PYROXD1: variants seen among roughly 807,000 people sequenced by gnomAD.
The protein encoded by PYROXD1 is pyridine nucleotide-disulphide oxidoreductase domain 1.
In PYROXD1, 42 loss-of-function variants were observed where a neutral mutation model predicts 62.0. That is an observed-to-expected ratio of 0.68 (90% CI 0.53 to 0.88). The LOEUF (loss-of-function observed/expected upper bound fraction) is 0.88. PYROXD1 is among the 40% of genes least tolerant of loss of function. The probability of loss-of-function intolerance (pLI) is 0.00; values close to 1 mark genes in which losing one functional copy is unlikely to be tolerated. For synonymous variants in PYROXD1, 170 were observed against 206.4 expected (o/e 0.82, Z 1.51); for missense variants, 493 against 604.8 (o/e 0.82, Z 1.94).
At chr12:21,464,382 C>T (rs1431613956) in intron 10 of PYROXD1, among the ~76,000 whole-genome samples, 4 of 151,884 alleles carry the variant, frequency 2.6e-5, no homozygotes, top group African/African-American at 9.7e-5. Flanking sequence ...TTCTGACCCC[C>T]AGCCATAAAC....
chr12:21,439,104 C>T (rs1021176299), intron 1 of PYROXD1, among the ~76,000 whole-genome samples: 3 of 152,080 alleles, frequency 2.0e-5, no homozygotes, highest in Non-Finnish European at 4.4e-5. Context: ...ATGTCATCTC[C>T]AGTGGAAAAG....
At chr12:21,438,566 A>G (rs531365909) in intron 1 of PYROXD1, 116 of 152,340 alleles carry the variant, frequency 7.6e-4, no homozygotes, top group African/African-American at 2.6e-3. Context: ...CGAACTCCCA[A>G]GATAGAAGAA....
chr12:21,445,292 T>C (rs1462169125), intron 2 of PYROXD1, 55 bp from the exon 3 acceptor site: 2 of 1,449,410 alleles, frequency 1.4e-6, no homozygotes, highest in Non-Finnish European at 1.8e-6. Flanking sequence ...TATTTAAGAT[T>C]CTTGAAAGAA....
At position 21,461,129 on chromosome 12, in the gene PYROXD1, C is replaced by T; in HGVS notation, c.855C>T (p.Asp285=). 6.3e-7 allele frequency: 1 copy of T among 1,577,676 alleles called. No individual in the cohort carries two copies. Among genetic ancestry groups the T allele is most frequent in the Non-Finnish European group, 8.6e-7 (1 of 1,163,280 alleles). The change falls in exon 8 of 12, where the codon GAC becomes GAT. Residue 285 remains aspartate, a synonymous_variant. Coordinates refer to ENST00000240651, the MANE Select transcript of PYROXD1 (RefSeq NM_024854.5). ...AAAAGTCCTTCACTTTTCCAAGAGA[C>T]CATAAGTCAGTTACAGCTGATACAG... The part of the protein sequence containing the change: ...LKKKSFTFPR[D]HKSVTADTEM...
In PYROXD1 at chr12:21,442,307, G is replaced by A. The variant is rs199666931; in HGVS notation, c.165+1859G>A. 8.5e-5 allele frequency among the ~76,000 whole-genome samples: 13 copies of A among 152,292 alleles called. No individual in the cohort carries two copies. The East Asian group carries it at 1.9e-3, about 23-fold the overall frequency. ...ATTGGTGCCTAGGGTGCAGGTACCC[G>A]TACTGCTATATTGGTAATAGAATAT... is the stretch of plus-strand genomic sequence containing the variant. On this transcript the variant is annotated intron_variant, in intron 2 of 11. Transcript: ENST00000240651.
chr12:21,470,998 CT>C lies in PYROXD1; in HGVS notation c.*2246del. 1 of 1,566,618 alleles carries C rather than the reference CT, an allele frequency of 6.4e-7. No individual in the cohort carries two copies. The highest frequency in any genetic ancestry group is 8.6e-7 in the Non-Finnish European group (1 of 1,162,184). ...AAAGAGTTCTGCGTGGACTTTGTCA[CT>C]TGCATAGTAATAGCATGTGCCTCAT... On this transcript the variant is annotated 3_prime_UTR_variant, in exon 12 of 12. Coordinates refer to ENST00000240651, the MANE Select transcript of PYROXD1 (RefSeq NM_024854.5).
At chr12:21,458,236 T>G (rs1359479416) in intron 7 of PYROXD1, among the ~76,000 whole-genome samples, 1 of 152,226 alleles carries the variant, frequency 6.6e-6, no homozygotes, top group Non-Finnish European at 1.5e-5. Flanking sequence ...TTAAACATCA[T>G]GAACCAACCT....
chr12:21,467,716 T>TTTAA (rs1942827966), intron 11 of PYROXD1, 98 bp downstream of exon 11: 1 of 907,444 alleles, frequency 1.1e-6, no homozygotes, highest in African/African-American at 1.7e-5. Context: ...CGTACATAGT[T>TTTAA]TTAATCATCT....
Position 21,462,264 on chromosome 12 carries a change from T to C in PYROXD1, c.993+144T>C. ...GAAACAGTTTGGTTAAAACATTGTC[T>C]TGATTTACAGTATTTTTTACTGCTT... On this transcript the variant is annotated intron_variant, in intron 9 of 11. Coordinates refer to ENST00000240651, the MANE Select transcript of PYROXD1 (RefSeq NM_024854.5). 4 of 595,398 alleles carry C rather than the reference T, an allele frequency of 6.7e-6. No homozygotes were observed. In the South Asian group the frequency reaches 8.9e-5, roughly 13 times the overall value. 36.9% of individuals were successfully genotyped at this position (595,398 alleles called of 1,614,324 possible). A position where few individuals can be genotyped will look rare whatever the true frequency, so the allele number is the denominator to read the frequency against.
chr12:21,444,423 A>T (rs1343332463), intron 2 of PYROXD1, among the ~76,000 whole-genome samples: 1 of 152,226 alleles, frequency 6.6e-6, no homozygotes. Flanking sequence ...TAAGGATGAG[A>T]TATGAAGAGT....
In PYROXD1 at chr12:21,468,567, G is replaced by A; in HGVS notation, c.1316G>A (p.Arg439Lys). The A allele has an allele frequency of 6.2e-7, 1 of 1,613,004 alleles. No individual in the cohort carries two copies. Among genetic ancestry groups the A allele is most frequent in the Non-Finnish European group, 8.5e-7 (1 of 1,179,294 alleles). ...GLGSDHELML[R>K]CTKGREYIKV... Reference sequence around the variant, plus strand: ...GGTTCAGATCATGAATTAATGCTGAGATGTACCAAAGGACGAGAATACATC... The same window carrying A: ...GGTTCAGATCATGAATTAATGCTGAAATGTACCAAAGGACGAGAATACATC... The change falls in exon 12 of 12, where the codon AGA becomes AAA. Residue 439 changes from arginine (R) to lysine (K), a missense_variant. By Grantham distance (26) the Arg-to-Lys change is conservative. This residue lies in a region of PYROXD1 where 329 missense variants were observed against 446.6 expected (regional missense o/e 0.74). Coordinates refer to ENST00000240651, the MANE Select transcript of PYROXD1 (RefSeq NM_024854.5).
intron 2 of PYROXD1, among the ~76,000 whole-genome samples, chr12:21,441,845 G>C (rs1390861121): frequency 6.6e-6 from 1 of 152,206 alleles, no homozygotes; most frequent in Admixed American, 6.5e-5. Context: ...TGACACACTT[G>C]CTGTTTTCAG....
chr12:21,444,143 G>A (rs1159584743), intron 2 of PYROXD1, among the ~76,000 whole-genome samples: 1 of 152,146 alleles, frequency 6.6e-6, no homozygotes, highest in Non-Finnish European at 1.5e-5. Flanking sequence ...TACTGGTCGG[G>A]TAGCCTTGGA....
chr12:21,450,867 T>C (rs7134243), intron 4 of PYROXD1, among the ~76,000 whole-genome samples: 75,029 of 151,892 alleles, frequency 0.49, 18,569 homozygotes, highest in Middle Eastern at 0.59. Context: ...TAATCCTGTG[T>C]GACGATTATT....
intron 3 of PYROXD1, among the ~76,000 whole-genome samples, chr12:21,446,563 C>G (rs1942393064): frequency 6.7e-6 from 1 of 149,712 alleles, no homozygotes; most frequent in Non-Finnish European, 1.5e-5. Flanking sequence ...TGAGCATGAA[C>G]AAGTGGCTAG....
intron 2 of PYROXD1, 79 bp downstream of exon 2, chr12:21,440,527 AT>A (rs57817097): frequency 5.1e-6 from 4 of 783,304 alleles, no homozygotes; most frequent in Non-Finnish European, 8.4e-6. Context: ...GTAATTGTGT[AT>A]TTTTTTCTTT....
chr12:21,451,959 CA>C, intron 4 of PYROXD1, 121 bp from the exon 5 acceptor site: 1 of 657,734 alleles, frequency 1.5e-6, no homozygotes. Flanking sequence ...AAGTGAGATT[CA>C]TTTTTTTCCT....
chr12:21,454,798 C>G (rs1033208342), intron 5 of PYROXD1: 2 of 160,828 alleles, frequency 1.2e-5, no homozygotes, highest in African/African-American at 4.8e-5. Context: ...AAAAGCACTG[C>G]TTACCCCTGG....
intron 7 of PYROXD1, among the ~76,000 whole-genome samples, chr12:21,457,843 A>ACCTCCCACCAGGCCGTACCTCCAG (rs2137274100): frequency 2.1e-5 from 1 of 47,206 alleles, no homozygotes; most frequent in African/African-American, 8.0e-5. Flanking sequence ...CGTACCTCCA[A>ACCTCCCACCAGGCCGTACCTCCAG]CATTGGGGAT....
Sources: gnomAD v4.1 joint callset for allele counts (sites outside exome capture counted in the v4.1 genomes callset) on GRCh38, gnomAD v4.1.1 for gene constraint, gnomAD v4.1.1 regional missense constraint, MANE v1.5 for transcripts, NCBI Gene and HGNC (gene_info 2026-07-23, HGNC 2026-07-21) for gene names.